PRKG1: variants seen among roughly 807,000 people sequenced by gnomAD.
PRKG1 encodes protein kinase cGMP-dependent 1.
In PRKG1, 35 loss-of-function variants were observed where a neutral mutation model predicts 88.1. The observed-to-expected ratio is 0.40, with a 90% CI of 0.30 to 0.53. PRKG1 has a LOEUF of 0.53. Among genes scored for constraint, PRKG1 ranks in the 20% least tolerant of loss-of-function variants. The pLI is 0.59. For missense variants in PRKG1, 540 were observed against 839.8 expected (o/e 0.64, Z 4.41); for synonymous variants, 303 against 292.5 (o/e 1.04, Z -0.37).
chr10:51,002,690 G>A (rs1842901611), intron 1 of PRKG1, among the ~76,000 whole-genome samples: 1 of 152,116 alleles, frequency 6.6e-6, no homozygotes, highest in Admixed American at 6.6e-5. Flanking sequence ...AACCTCCCAG[G>A]GGCCTGGATG....
chr10:51,184,346 A>T (rs963588842), intron 2 of PRKG1, among the ~76,000 whole-genome samples: 1 of 152,218 alleles, frequency 6.6e-6, no homozygotes, highest in African/African-American at 2.4e-5. Context: ...ATAATTTAAC[A>T]ATTTGTTCTT....
chr10:51,493,458 A>T (rs1238864437), intron 3 of PRKG1, among the ~76,000 whole-genome samples: 1 of 146,934 alleles, frequency 6.8e-6, no homozygotes, highest in Non-Finnish European at 1.5e-5. Context: ...GCATATGATG[A>T]CATTTTTTCC....
chr10:52,081,694 G>A (rs1187537441), intron 7 of PRKG1: 5 of 456,580 alleles, frequency 1.1e-5, no homozygotes, highest in Admixed American at 2.3e-5. Flanking sequence ...AGAAGATGAC[G>A]AGAGCTCAGG....
intron 4 of PRKG1, among the ~76,000 whole-genome samples, chr10:51,805,994 C>G (rs143267487): frequency 1.5e-3 from 233 of 151,632 alleles, no homozygotes; most frequent in African/African-American, 5.5e-3. Flanking sequence ...TATTCAGGTG[C>G]CTTCTATATT....
At chr10:51,497,150 A>G (rs890598898) in intron 3 of PRKG1, among the ~76,000 whole-genome samples, 1 of 152,138 alleles carries the variant, frequency 6.6e-6, no homozygotes, top group Non-Finnish European at 1.5e-5. Flanking sequence ...ACCTTTCTGA[A>G]CTTTAGTTTC....
At chr10:51,232,767 G>A (rs981067728) in intron 2 of PRKG1, among the ~76,000 whole-genome samples, 8 of 152,128 alleles carry the variant, frequency 5.3e-5, no homozygotes, top group South Asian at 2.1e-4. Flanking sequence ...TGCTAGACAC[G>A]TTTCTTTGCC....
At chr10:51,096,610 G>A (rs933632904) in intron 1 of PRKG1, among the ~76,000 whole-genome samples, 1 of 152,124 alleles carries the variant, frequency 6.6e-6, no homozygotes, top group Non-Finnish European at 1.5e-5. Context: ...TGGACTCTCA[G>A]GCCTGCCAAT....
At chr10:51,199,009 G>T (rs1837844972) in intron 2 of PRKG1, among the ~76,000 whole-genome samples, 1 of 152,194 alleles carries the variant, frequency 6.6e-6, no homozygotes, top group African/African-American at 2.4e-5. Context: ...GATAAGAAGT[G>T]ATACTGAAAA....
At chr10:51,585,795 G>A (rs1838157451) in intron 3 of PRKG1, among the ~76,000 whole-genome samples, 1 of 152,138 alleles carries the variant, frequency 6.6e-6, no homozygotes, top group Admixed American at 6.6e-5. Context: ...GCTATAAGAA[G>A]GAGTGAAATC....
intron 2 of PRKG1, among the ~76,000 whole-genome samples, chr10:51,293,955 G>T (rs891693217): frequency 6.6e-6 from 1 of 151,990 alleles, no homozygotes; most frequent in African/African-American, 2.4e-5. Flanking sequence ...TTTTGATTTG[G>T]ATTTTCCTGA....
rs772042019 is a variant in PRKG1, at chr10:51,699,406, T to A, written c.593-105179T>A. ...TGGGTTTTCCCGTCTCTCTATCGTA[T>A]ACCAGCCGGAAACTGACAACAGAAC... On this transcript the variant is annotated intron_variant, in intron 3 of 17. Transcript: ENST00000373980. 1.4e-5 allele frequency: 22 copies of A among 1,614,066 alleles called. No individual in the cohort carries two copies. The African/African-American group carries it at 2.5e-4, about 19-fold the overall frequency.
chr10:51,649,643 C>T (rs868416629), intron 3 of PRKG1, among the ~76,000 whole-genome samples: 5 of 151,998 alleles, frequency 3.3e-5, no homozygotes, highest in Admixed American at 6.6e-5. Flanking sequence ...AAATGCTCAG[C>T]GAAGCAAGGA....
chr10:51,610,828 G>A (rs539166078), intron 3 of PRKG1, among the ~76,000 whole-genome samples: 24 of 152,240 alleles, frequency 1.6e-4, no homozygotes, highest in African/African-American at 5.1e-4. Context: ...ACTCATAAGT[G>A]GGAGTTGAAC....
intron 3 of PRKG1, among the ~76,000 whole-genome samples, chr10:51,734,592 G>T (rs982043109): frequency 6.6e-6 from 1 of 151,978 alleles, no homozygotes; most frequent in Admixed American, 6.6e-5. Context: ...TAAAAAGTTT[G>T]GTTCCTTCTT....
intron 3 of PRKG1, among the ~76,000 whole-genome samples, chr10:51,559,167 G>A (rs1416963353): frequency 6.6e-6 from 1 of 152,024 alleles, no homozygotes; most frequent in Non-Finnish European, 1.5e-5. Flanking sequence ...GAGGGTATTA[G>A]AAAGTATCCC....
At chr10:51,167,529 A>T (rs1435051638) in intron 2 of PRKG1, among the ~76,000 whole-genome samples, 2 of 152,164 alleles carry the variant, frequency 1.3e-5, no homozygotes, top group Non-Finnish European at 2.9e-5. Flanking sequence ...AGAAAAATGG[A>T]TTCCACTAAT....
rs1426269189 is a variant in PRKG1 at position 52,043,458 on chromosome 10, A to G, written c.763-11026A>G. 2.6e-5 allele frequency among the ~76,000 whole-genome samples: 4 copies of G among 152,096 alleles called. No individual in the cohort carries two copies. In the East Asian group the frequency reaches 7.7e-4, roughly 29 times the overall value. On this transcript the variant is annotated intron_variant, in intron 5 of 17. Transcript: ENST00000373980. ...GAGGACATTAAGTGAAATAAGTCAA[A>G]CATAAAAAGCTACATACTGCATGAT...
chr10:51,088,194 G>C (rs1844303212), intron 1 of PRKG1, among the ~76,000 whole-genome samples: 1 of 152,190 alleles, frequency 6.6e-6, no homozygotes, highest in South Asian at 2.1e-4. Flanking sequence ...TTTTTAAGTA[G>C]CTTCGGCTTG....
chr10:51,767,085 T>C lies in PRKG1; in HGVS notation c.593-37500T>C, dbSNP rs1239018002. Among the ~76,000 whole-genome samples the C allele has an allele frequency of 2.0e-5, 3 of 152,182 alleles. No homozygotes were observed. The East Asian group carries it at 5.8e-4, about 29-fold the overall frequency. On this transcript the variant is annotated intron_variant, in intron 3 of 17. Transcript: ENST00000373980. Reference sequence around the variant, plus strand: ...CTTTTTACTGGGAGTAAATAATCCATAGACTTCCTTTAAATGGTTCTCACT... The same window carrying C: ...CTTTTTACTGGGAGTAAATAATCCACAGACTTCCTTTAAATGGTTCTCACT...
Sources: allele counts gnomAD v4.1 joint callset (sites outside exome capture counted in the v4.1 genomes callset), GRCh38; gene constraint gnomAD v4.1.1; transcripts MANE v1.5; gene names NCBI Gene and HGNC (gene_info 2026-07-23, HGNC 2026-07-21).